DMD: variants seen among roughly 807,000 people sequenced by gnomAD.
DMD encodes mutant dystrophin.
In DMD, 63 loss-of-function variants were observed where a neutral mutation model predicts 330.1. The observed-to-expected ratio is 0.19, with a 90% CI of 0.16 to 0.24. The LOEUF is 0.24. DMD is among the 10% of genes least tolerant of loss of function. The pLI, the probability that DMD is intolerant of heterozygous loss-of-function variation, is 1.00. For synonymous variants in DMD, 1,223 were observed against 959.8 expected, an observed-to-expected ratio of 1.27 and a Z score of -5.07; for missense variants, 3,344 against 2,684.1, an observed-to-expected ratio of 1.25 and a Z score of -5.43.
chrX:32,184,395 G>C (rs1214484742), intron 44 of DMD, among the ~76,000 whole-genome samples: 4 of 110,635 alleles, frequency 3.6e-5, no homozygotes, highest in African/African-American at 1.3e-4. Flanking sequence ...AATTGGAAAG[G>C]CTTCAGCATC....
intron 74 of DMD, among the ~76,000 whole-genome samples, chrX:31,160,380 G>T (rs1195273946): frequency 1.8e-5 from 2 of 111,237 alleles, no homozygotes; most frequent in Non-Finnish European, 3.8e-5. Flanking sequence ...AGTTACTTTT[G>T]TGCGAAAAAT....
chrX:32,920,489 TTCTC>T (rs71838714), intron 2 of DMD, among the ~76,000 whole-genome samples: 5,473 of 111,185 alleles, frequency 0.049, 113 homozygotes, highest in African/African-American at 0.081. Flanking sequence ...TCCCATCTCT[TTCTC>T]TCTTCTTCTC....
intron 4 of DMD, among the ~76,000 whole-genome samples, chrX:32,842,538 C>A (rs776814862): frequency 2.2e-5 from 2 of 91,167 alleles, no homozygotes; most frequent in South Asian, 8.1e-4. Flanking sequence ...CAAGTAAGAC[C>A]CCCCCCATAC....
chrX:31,678,396 C>T (rs780975475), intron 53 of DMD, among the ~76,000 whole-genome samples: 7 of 112,162 alleles, frequency 6.2e-5, no homozygotes, highest in African/African-American at 2.3e-4. Context: ...TACCCTAAAG[C>T]TTAACCATTG....
chrX:32,552,207 T>C (rs1454855049), intron 16 of DMD, among the ~76,000 whole-genome samples: 1 of 111,755 alleles, frequency 8.9e-6, no homozygotes. Context: ...AACCATCCCA[T>C]TGCCTGACTG....
At chrX:32,485,643 G>C (rs764360449) in intron 20 of DMD, among the ~76,000 whole-genome samples, 7 of 102,337 alleles carry the variant, frequency 6.8e-5, no homozygotes. Context: ...TTATACATAT[G>C]TATGTACACA....
intron 7 of DMD, among the ~76,000 whole-genome samples, chrX:32,801,725 A>T (rs1050326413): frequency 5.4e-5 from 6 of 111,809 alleles, no homozygotes; most frequent in African/African-American, 2.0e-4. Flanking sequence ...TCTTCTGCAT[A>T]TGGCTAGCCA....
chrX:31,945,008 G>T (rs2095067283), intron 45 of DMD, among the ~76,000 whole-genome samples: 1 of 111,526 alleles, frequency 9.0e-6, no homozygotes, highest in Admixed American at 9.5e-5. Context: ...ATTTGCCAAT[G>T]AATTTATTAG....
intron 41 of DMD, among the ~76,000 whole-genome samples, chrX:32,329,749 C>T (rs989004320): frequency 1.8e-5 from 2 of 112,232 alleles, no homozygotes; most frequent in Non-Finnish European, 3.8e-5. Flanking sequence ...AGTCTATTAA[C>T]TAAGAAAGCA....
chrX:31,923,428 AGATAGCTCTTG>A (rs2094720798), intron 47 of DMD, among the ~76,000 whole-genome samples: 1 of 111,190 alleles, frequency 9.0e-6, no homozygotes, highest in Admixed American at 9.6e-5. Flanking sequence ...GTCCTTTAAT[AGATAGCTCTTG>A]AATAAATAAT....
intron 55 of DMD, among the ~76,000 whole-genome samples, chrX:31,522,035 T>G (rs1012195925): frequency 3.6e-5 from 4 of 110,588 alleles, no homozygotes; most frequent in African/African-American, 1.3e-4. Context: ...CAAAATAACA[T>G]GTGATCATGT....
Position 32,076,598 on chromosome X carries a change from C to A in DMD, c.6439-108084G>T, listed in dbSNP as rs887890796. ...GTTTCACCGTGTTAGCCAGGATGGTCTCGATCTCTTGACCATGTGATCCGC... is the reference window on the plus strand; with the variant it reads ...GTTTCACCGTGTTAGCCAGGATGGTATCGATCTCTTGACCATGTGATCCGC... On this transcript the variant is annotated intron_variant, in intron 44 of 78. Transcript: ENST00000357033. 1.8e-4 allele frequency among the ~76,000 whole-genome samples: 20 copies of A among 110,736 alleles called. No individual in the cohort carries two copies. In the East Asian group the frequency reaches 3.7e-3, roughly 21 times the overall value.
rs1259459920 is a variant in DMD, at chrX:32,644,099, A to T, written c.1331+33T>A. The T allele has an allele frequency of 4.4e-6, 5 of 1,132,081 alleles. No homozygotes were observed. The Admixed American group carries it at 6.9e-5, about 16-fold the overall frequency. The allele number at this position is 1,132,081 out of a possible 1,213,427, so 93.3% of individuals were successfully genotyped here. A position where few individuals can be genotyped will look rare whatever the true frequency, so the allele number is the denominator to read the frequency against. ...TAATCACAAGCTTCCAAAACTTGTT[A>T]GTCTTCTTAATTAAAAACAAATAAG... On this transcript the variant is annotated intron_variant, in intron 11 of 78. Coordinates refer to ENST00000357033, the MANE Select transcript of DMD (RefSeq NM_004006.3).
intron 9 of DMD, among the ~76,000 whole-genome samples, chrX:32,672,614 A>T (rs1047497025): frequency 1.8e-5 from 2 of 110,703 alleles, no homozygotes; most frequent in Admixed American, 2.0e-4. Flanking sequence ...ATCCAACTAC[A>T]ACATTTTATG....
chrX:31,163,197 C>T (rs1419943794), intron 74 of DMD, among the ~76,000 whole-genome samples: 1 of 111,732 alleles, frequency 8.9e-6, no homozygotes, highest in Non-Finnish European at 1.9e-5. Flanking sequence ...ATAATCCGCA[C>T]ATATCATGGG....
intron 44 of DMD, among the ~76,000 whole-genome samples, chrX:32,131,044 G>C (rs1383658571): frequency 9.1e-6 from 1 of 110,450 alleles, no homozygotes; most frequent in East Asian, 2.9e-4. Flanking sequence ...AATTAGCCAG[G>C]CATGGTGGCG....
intron 1 of DMD, among the ~76,000 whole-genome samples, chrX:33,240,389 G>C (rs2052568493): frequency 9.0e-6 from 1 of 111,724 alleles, no homozygotes; most frequent in Admixed American, 9.5e-5. Flanking sequence ...GCAAATGGCA[G>C]GTTTCATTCT....
intron 7 of DMD, among the ~76,000 whole-genome samples, chrX:32,807,205 A>G (rs1357163869): frequency 9.4e-6 from 1 of 106,803 alleles, no homozygotes; most frequent in Non-Finnish European, 1.9e-5. Context: ...ATAGACTGCT[A>G]GATAGACTAA....
chrX:31,547,583 A>G (rs1378148674), intron 55 of DMD, among the ~76,000 whole-genome samples: 1 of 111,741 alleles, frequency 8.9e-6, no homozygotes, highest in African/African-American at 3.3e-5. Context: ...AAACCACCCC[A>G]CACTAGGGAC....
Sources: gnomAD v4.1 joint callset for allele counts (sites outside exome capture counted in the v4.1 genomes callset) on GRCh38, gnomAD v4.1.1 for gene constraint, MANE v1.5 for transcripts, NCBI Gene and HGNC (gene_info 2026-07-23, HGNC 2026-07-21) for gene names.